The following SLC1A6 variants were observed in gnomAD, a reference collection of about 807,000 sequenced individuals.
SLC1A6 encodes the protein solute carrier family 1 member 6.
In SLC1A6, 15 loss-of-function variants were observed where a neutral mutation model predicts 42.1. The observed-to-expected ratio is 0.36, with a 90% CI of 0.24 to 0.55. The LOEUF is 0.55. Among genes scored for constraint, SLC1A6 ranks in the 20% least tolerant of loss-of-function variants. The probability of loss-of-function intolerance (pLI) is 0.88; values close to 1 mark genes in which losing one functional copy is unlikely to be tolerated. For synonymous variants in SLC1A6, 317 were observed against 319.7 expected, an observed-to-expected ratio of 0.99 and a Z score of 0.09; for missense variants, 542 against 772.5, an observed-to-expected ratio of 0.70 and a Z score of 3.54.
chr19:15,009,063 A>G (rs563650423), intron 1 of SLC1A6, among the ~76,000 whole-genome samples: 26 of 127,334 alleles, frequency 2.0e-4, no homozygotes, highest in African/African-American at 8.0e-4. Context: ...TAGATATGCT[A>G]TCTAGATAGC....
intron 1 of SLC1A6, among the ~76,000 whole-genome samples, chr19:14,976,073 C>T (rs562952670): frequency 2.6e-5 from 4 of 152,024 alleles, no homozygotes; most frequent in Non-Finnish European, 5.9e-5. Flanking sequence ...CACTCTTAGG[C>T]TCCCTCTCCC....
intron 3 of SLC1A6, among the ~76,000 whole-genome samples, chr19:14,971,388 C>T (rs977522587): frequency 1.3e-5 from 2 of 152,134 alleles, no homozygotes; most frequent in African/African-American, 2.4e-5. Context: ...ATCGACACCC[C>T]ACTCCCTGCA....
At chr19:14,992,080 C>G (rs892933404) in intron 1 of SLC1A6, among the ~76,000 whole-genome samples, 1 of 152,198 alleles carries the variant, frequency 6.6e-6, no homozygotes, top group Non-Finnish European at 1.5e-5. Context: ...CCCGCCTCAG[C>G]CTCCCAAAGT....
At chr19:15,007,553 C>A (rs199722522) in intron 1 of SLC1A6, among the ~76,000 whole-genome samples, 3 of 150,988 alleles carry the variant, frequency 2.0e-5, no homozygotes, top group Non-Finnish European at 3.0e-5. Flanking sequence ...TTTCATCTCA[C>A]AAAAAAAAAT....
rs751282250 is a variant in SLC1A6, at chr19:14,956,645, C to T, written c.1000G>A (p.Val334Ile). The T allele has an allele frequency of 1.4e-5, 23 of 1,613,812 alleles. No individual in the cohort carries two copies. Among genetic ancestry groups the T allele is most frequent in the Middle Eastern group, 1.6e-4 (1 of 6,082 alleles). Residue 334 changes from valine (V) to isoleucine (I), a missense_variant, in exon 7 of 10, where the codon GTC (valine) becomes ATC (isoleucine). Val to Ile is a conservative substitution (Grantham distance 29, BLOSUM62 3). This residue lies in a region of SLC1A6 where 298 missense variants were observed against 419.4 expected (regional missense o/e 0.71). Transcript: ENST00000594383. ...TACATGCCCAGCTGACCCCCCAGGA[C>T]GGCCATGTCTTCCATCTCCAGAATC... ...GKILEMEDMA[V>I]LGGQLGMYTL...
At chr19:15,009,222 C>T (rs117036090) in intron 1 of SLC1A6, among the ~76,000 whole-genome samples, 1,487 of 134,046 alleles carry the variant, frequency 0.011, 20 homozygotes, top group Middle Eastern at 0.064. Flanking sequence ...GCATATCTAT[C>T]ACATAGATAT....
Position 14,950,173 on chromosome 19 carries a change from G to T in SLC1A6, c.*22C>A, listed in dbSNP as rs540230769. The T allele has an allele frequency of 4.4e-5, 63 of 1,424,762 alleles. No individual in the cohort carries two copies. In the African/African-American group the frequency reaches 8.4e-4, roughly 19 times the overall value. The allele number at this position is 1,424,762 out of a possible 1,614,324, so 88.3% of individuals were successfully genotyped here. On this transcript the variant is annotated 3_prime_UTR_variant, in exon 10 of 10. Transcript: ENST00000594383. ...CCCCAGCCCCCTTCCCTCCTCTCTG[G>T]GGGGGCAGAGCTGGAGGCCCCTCAC...
At chr19:14,971,363 A>C (rs1179926924) in intron 3 of SLC1A6, among the ~76,000 whole-genome samples, 2 of 151,838 alleles carry the variant, frequency 1.3e-5, no homozygotes, top group African/African-American at 4.8e-5. Context: ...CATCTCACTC[A>C]CCTTCCACAC....
At chr19:14,995,872 C>A (rs565404996) in intron 1 of SLC1A6, among the ~76,000 whole-genome samples, 3 of 151,950 alleles carry the variant, frequency 2.0e-5, no homozygotes, top group Admixed American at 6.6e-5. Context: ...GATCCAGGAG[C>A]TAGGTTACCC....
In SLC1A6 at chr19:14,971,870, G is replaced by T; in HGVS notation, c.210C>A (p.Val70=). Reference sequence around the variant, plus strand: ...ATGGGCGCAGGGCAAAGGCCAGGCTGACCCCTAGGGCCAAAAGAAGGGGTC... The same window carrying T: ...ATGGGCGCAGGGCAAAGGCCAGGCTTACCCCTAGGGCCAAAAGAAGGGGTC... The part of the protein sequence containing the change: ...LLTVSAVVIG[V]SLAFALRPYQ... The change falls in exon 3 of 10, where the codon GTC becomes GTA. Residue 70 remains valine, a synonymous_variant. Transcript: ENST00000594383. The T allele has an allele frequency of 1.2e-6, 2 of 1,614,082 alleles. No homozygotes were observed. Among genetic ancestry groups the T allele is most frequent in the Non-Finnish European group, 1.7e-6 (2 of 1,179,996 alleles).
chr19:14,953,216 T>TGCCTCGCCTC (rs564458804), intron 8 of SLC1A6, among the ~76,000 whole-genome samples, 154 bp from the exon 9 acceptor site: 2 of 151,382 alleles, frequency 1.3e-5, no homozygotes, highest in Admixed American at 6.6e-5. Flanking sequence ...TACTGCTTGA[T>TGCCTCGCCTC]GCCTCGCCTC....
intron 1 of SLC1A6, among the ~76,000 whole-genome samples, chr19:14,997,037 C>T (rs568080881): frequency 2.6e-5 from 4 of 152,254 alleles, no homozygotes; most frequent in African/African-American, 9.6e-5. Context: ...GGCAAACATG[C>T]CTCCGATTCT....
chr19:14,963,794 C>G (rs894037222), intron 5 of SLC1A6, among the ~76,000 whole-genome samples: 2 of 151,326 alleles, frequency 1.3e-5, no homozygotes, highest in Non-Finnish European at 2.9e-5. Context: ...GTTGCCTCCT[C>G]TAGCCCTGTG....
intron 1 of SLC1A6, among the ~76,000 whole-genome samples, chr19:15,002,925 G>A (rs2045878742): frequency 6.6e-6 from 1 of 150,992 alleles, no homozygotes; most frequent in Non-Finnish European, 1.5e-5. Flanking sequence ...TTTGTTTTCG[G>A]TTTGTGTTTT....
chr19:15,003,638 G>A (rs1344765415), intron 1 of SLC1A6, among the ~76,000 whole-genome samples: 3 of 135,756 alleles, frequency 2.2e-5, no homozygotes, highest in South Asian at 2.4e-4. Context: ...ATTTCACAGC[G>A]AAGGGCATCT....
intron 1 of SLC1A6, chr19:14,977,245 A>T (rs2045721911): frequency 3.3e-5 from 5 of 152,062 alleles, no homozygotes. Context: ...AAGACATAAT[A>T]CGGTATTGAC....
In SLC1A6 at chr19:14,975,896, A is replaced by AAGGGAAGGG. The variant is rs148123004; in HGVS notation, c.-7-2980_-7-2979insCCCTTCCCT. Among the ~76,000 whole-genome samples, 17 of 84,348 alleles carry AAGGGAAGGG rather than the reference A, an allele frequency of 2.0e-4. 2 individuals carry two copies. The highest frequency in any genetic ancestry group is 4.3e-4 in the South Asian group (1 of 2,328). 55.3% of individuals were successfully genotyped at this position (84,348 alleles called of 152,430 possible). ...AAAGGGAAGGGAAGGGAAGGGAAGG[A>AAGGGAAGGG]AAGGGAAGGGGGAAGGGAAGGAAAG... On this transcript the variant is annotated intron_variant, in intron 1 of 9. Transcript: ENST00000594383.
chr19:14,984,461 A>G (rs536727133), upstream of SLC1A6, among the ~76,000 whole-genome samples: 2 of 152,376 alleles, frequency 1.3e-5, no homozygotes, highest in Admixed American at 6.5e-5. Context: ...ACATGAAAAA[A>G]ATTCAGTCTT....
intron 5 of SLC1A6, among the ~76,000 whole-genome samples, chr19:14,962,817 C>T (rs1380179281): frequency 1.3e-5 from 2 of 152,028 alleles, no homozygotes; most frequent in South Asian, 4.2e-4. Context: ...GCAGGAGAAT[C>T]GCTTGAACCT....
Sources: allele counts gnomAD v4.1 joint callset (sites outside exome capture counted in the v4.1 genomes callset), GRCh38; gene constraint gnomAD v4.1.1; regional missense constraint gnomAD v4.1.1; transcripts MANE v1.5; gene names NCBI Gene and HGNC (gene_info 2026-07-23, HGNC 2026-07-21).